The following PIEZO2 variants were observed in gnomAD, a reference collection of about 807,000 sequenced individuals.
The protein encoded by PIEZO2 is piezo type mechanosensitive ion channel component 2, also known as piezo-type mechanosensitive ion channel component 2.
A neutral mutation model predicts 337.3 loss-of-function variants in PIEZO2; 172 were observed. That is an observed-to-expected ratio of 0.51 (90% confidence interval 0.45 to 0.58). The LOEUF (loss-of-function observed/expected upper bound fraction) is 0.58. Ranked by LOEUF, PIEZO2 falls within the 20% of genes least tolerant of loss-of-function variation. PIEZO2 has a pLI of 0.00. For synonymous variants in PIEZO2, 1,251 were observed against 1,228.5 expected, an observed-to-expected ratio of 1.02 and a Z score of -0.38; for missense variants, 3,028 against 3,391.3, an observed-to-expected ratio of 0.89 and a Z score of 2.66.
At position 11,104,861 on chromosome 18, in the gene PIEZO2, T is replaced by G. The variant is rs1280134664; in HGVS notation, c.65-38639A>C. Among the ~76,000 whole-genome samples the G allele has an allele frequency of 6.6e-6, 1 of 152,090 alleles. No individual in the cohort carries two copies. On this transcript the variant is annotated intron_variant, in intron 1 of 55. Transcript: ENST00000674853. This position sits in a 1 kb window ranked among gnomAD's most constrained non-coding sequence, Gnocchi z 4.6. Reference sequence around the variant, plus strand: ...TCCAGGAGTGGTTGAACCACTCCAGTCCTAGGTGTGACTGGATGTGACTGG... The same window carrying G: ...TCCAGGAGTGGTTGAACCACTCCAGGCCTAGGTGTGACTGGATGTGACTGG...
chr18:11,124,782 G>T (rs1032526042), intron 1 of PIEZO2, among the ~76,000 whole-genome samples: 3 of 152,094 alleles, frequency 2.0e-5, no homozygotes, highest in Non-Finnish European at 2.9e-5. Flanking sequence ...CTGCCCCTCA[G>T]AATAAACAAT....
At chr18:10,804,344 G>A (rs935045213) in intron 8 of PIEZO2, among the ~76,000 whole-genome samples, 5 of 152,284 alleles carry the variant, frequency 3.3e-5, no homozygotes, top group South Asian at 2.1e-4. Context: ...GCGGTTAACC[G>A]TGTAAGCCAG....
intron 36 of PIEZO2, 97 bp from the exon 37 acceptor site, chr18:10,718,356 C>T (rs1206740394): frequency 3.0e-6 from 3 of 996,924 alleles, no homozygotes; most frequent in Non-Finnish European, 4.5e-6. Flanking sequence ...TTGTAATTAA[C>T]TCTAGGACAT....
chr18:11,100,678 C>A (rs1050522293), intron 1 of PIEZO2, among the ~76,000 whole-genome samples: 2 of 152,178 alleles, frequency 1.3e-5, no homozygotes, highest in Non-Finnish European at 2.9e-5. Context: ...TCACTGCAAC[C>A]TCCGCCTCCC....
At chr18:10,852,254 CTTA>C (rs1006995845) in intron 7 of PIEZO2, among the ~76,000 whole-genome samples, 4 of 152,250 alleles carry the variant, frequency 2.6e-5, no homozygotes, top group Middle Eastern at 3.4e-3. Context: ...AAATTCTTTT[CTTA>C]TTAGACTGAA....
chr18:10,795,055 C>T lies in PIEZO2; in HGVS notation c.1528-53G>A. On this transcript the variant is annotated intron_variant, in intron 12 of 55. Coordinates refer to ENST00000674853, the MANE Select transcript of PIEZO2 (RefSeq NM_001378183.1). This position sits in a 1 kb window ranked among gnomAD's most constrained non-coding sequence, Gnocchi z 4.4. Reference sequence around the variant, plus strand: ...CCATGGTCAATACAATGCTCAGTCCCCCCCGCCCTGGTAAGGTAAAAACTA... The same window carrying T: ...CCATGGTCAATACAATGCTCAGTCCTCCCCGCCCTGGTAAGGTAAAAACTA... The T allele has an allele frequency of 1.4e-6, 2 of 1,399,392 alleles. No individual in the cohort carries two copies. Among genetic ancestry groups the T allele is most frequent in the Non-Finnish European group, 2.0e-6 (2 of 1,021,930 alleles). 86.7% of individuals were successfully genotyped at this position (1,399,392 alleles called of 1,614,324 possible). A position where few individuals can be genotyped will look rare whatever the true frequency, so the allele number is the denominator to read the frequency against.
chr18:10,887,779 G>A lies in PIEZO2; in HGVS notation c.330-16364C>T, dbSNP rs555320592. Among the ~76,000 whole-genome samples the A allele has an allele frequency of 9.9e-5, 15 of 152,220 alleles. 1 individual carries two copies. In the South Asian group the frequency reaches 1.9e-3, roughly 19 times the overall value. ...TTCATGCCTTTGACAATCTGAATGA[G>A]TACCGTCTTTCATTATGGAGGATGA... On this transcript the variant is annotated intron_variant, in intron 4 of 55. Coordinates refer to ENST00000674853, the MANE Select transcript of PIEZO2 (RefSeq NM_001378183.1).
rs1425024971 is a variant in PIEZO2 at position 10,837,631 on chromosome 18, GAATT to G, written c.917+17718_917+17721del. Among the ~76,000 whole-genome samples, 1 of 152,164 alleles carries G rather than the reference GAATT, an allele frequency of 6.6e-6. No individual in the cohort carries two copies. The highest frequency in any genetic ancestry group is 1.5e-5 in the Non-Finnish European group (1 of 68,022). ...AATCTAACTGTGGGTGGACAGAACAGAATTAATTTTTACATATGAATGAAAACAA... is the reference window on the plus strand; with the variant it reads ...AATCTAACTGTGGGTGGACAGAACAGAATTTTTACATATGAATGAAAACAA... On this transcript the variant is annotated intron_variant, in intron 7 of 55. Coordinates refer to ENST00000674853, the MANE Select transcript of PIEZO2 (RefSeq NM_001378183.1). The surrounding 1 kb of genome is among the most constrained non-coding windows in gnomAD (Gnocchi z 4.4).
intron 1 of PIEZO2, among the ~76,000 whole-genome samples, chr18:11,091,250 G>A (rs2039078039): frequency 2.0e-5 from 3 of 151,948 alleles, no homozygotes. Flanking sequence ...CGTGCATGGT[G>A]GCACGCGCCT....
intron 35 of PIEZO2, among the ~76,000 whole-genome samples, 157 bp from the exon 36 acceptor site, chr18:10,731,678 T>A (rs1015082760): frequency 2.0e-5 from 3 of 150,362 alleles, no homozygotes; most frequent in African/African-American, 7.4e-5. Context: ...TTTTTTTTTT[T>A]AGAAAAAGAC....
intron 3 of PIEZO2, among the ~76,000 whole-genome samples, chr18:10,967,260 A>C (rs555143709): frequency 0.015 from 2,282 of 151,714 alleles, 31 homozygotes; most frequent in Admixed American, 0.034. Context: ...CTCATGATCC[A>C]CCTGCCTCGG....
In PIEZO2 at chr18:11,116,451, C is replaced by T. The variant is rs529804836; in HGVS notation, c.64+32074G>A. ...TTTGCAGGCCGGGCGCGGTGGCTCACGCCTGTAAACCCAGCACTTTGGGAG... is the reference window on the plus strand; with the variant it reads ...TTTGCAGGCCGGGCGCGGTGGCTCATGCCTGTAAACCCAGCACTTTGGGAG... On this transcript the variant is annotated intron_variant, in intron 1 of 55. Transcript: ENST00000674853. This position sits in a 1 kb window ranked among gnomAD's most constrained non-coding sequence, Gnocchi z 5.0. Among the ~76,000 whole-genome samples the T allele has an allele frequency of 2.0e-5, 3 of 152,052 alleles. No individual in the cohort carries two copies. The highest frequency in any genetic ancestry group is 7.2e-5 in the African/African-American group (3 of 41,486).
chr18:11,025,459 A>G (rs544827742), intron 2 of PIEZO2, among the ~76,000 whole-genome samples: 50 of 152,176 alleles, frequency 3.3e-4, no homozygotes, highest in Admixed American at 1.1e-3. Flanking sequence ...CCTGACTCCA[A>G]ATGGTCTTCC....
intron 3 of PIEZO2, among the ~76,000 whole-genome samples, chr18:10,956,254 G>A (rs1262732039): frequency 5.3e-5 from 8 of 152,094 alleles, no homozygotes; most frequent in Admixed American, 4.6e-4. Flanking sequence ...ACAAAAAACT[G>A]TCCAAAAATA....
intron 49 of PIEZO2, among the ~76,000 whole-genome samples, chr18:10,683,648 C>T (rs1203157196): frequency 6.6e-6 from 1 of 152,200 alleles, no homozygotes; most frequent in Non-Finnish European, 1.5e-5. Flanking sequence ...TATATATACA[C>T]ACATACATGC....
intron 2 of PIEZO2, among the ~76,000 whole-genome samples, chr18:11,053,969 A>T (rs1165404730): frequency 6.6e-6 from 1 of 152,228 alleles, no homozygotes; most frequent in Non-Finnish European, 1.5e-5. Flanking sequence ...GGCTGCAGTG[A>T]GCCGAGATCA....
rs1381117604 is a variant in PIEZO2 at position 11,078,988 on chromosome 18, C to T, written c.65-12766G>A. 1.3e-5 allele frequency among the ~76,000 whole-genome samples: 2 copies of T among 152,170 alleles called. No homozygotes were observed. The highest frequency in any genetic ancestry group is 6.5e-5 in the Admixed American group (1 of 15,272). On this transcript the variant is annotated intron_variant, in intron 1 of 55. Transcript: ENST00000674853. The surrounding 1 kb of genome is among the most constrained non-coding windows in gnomAD (Gnocchi z 5.3). The stretch of plus-strand genomic sequence containing the variant: ...CACAGCGTCATACCTTAGAAAGTTA[C>T]GGTAGTTAAAAAATTGCTGGTGGCA...
chr18:11,018,677 T>C (rs78571516), intron 2 of PIEZO2, among the ~76,000 whole-genome samples: 1,842 of 152,216 alleles, frequency 0.012, 38 homozygotes, highest in African/African-American at 0.042. Flanking sequence ...GTCCATTTAA[T>C]CTGACATCTA....
chr18:11,078,072 C>A lies in PIEZO2; in HGVS notation c.65-11850G>T, dbSNP rs532710579. Among the ~76,000 whole-genome samples the A allele has an allele frequency of 4.6e-5, 7 of 150,900 alleles. No individual in the cohort carries two copies. In the South Asian group the frequency reaches 1.5e-3, roughly 32 times the overall value. On this transcript the variant is annotated intron_variant, in intron 1 of 55. Transcript: ENST00000674853. This position sits in a 1 kb window ranked among gnomAD's most constrained non-coding sequence, Gnocchi z 5.3. ...CACACACACACACACACACACCACA[C>A]ACACAAAAACAAACATACACACACA...
Sources: gnomAD v4.1 joint callset for allele counts (sites outside exome capture counted in the v4.1 genomes callset) on GRCh38, gnomAD v4.1.1 for gene constraint, Gnocchi (gnomAD v3.1) non-coding constraint, MANE v1.5 for transcripts, NCBI Gene and HGNC (gene_info 2026-07-23, HGNC 2026-07-21) for gene names.